The following EDIL3 variants were observed in gnomAD, a reference collection of about 807,000 sequenced individuals.
The protein encoded by EDIL3 is EGF like and discoidin domains 3.
Under a neutral mutation model 67.4 loss-of-function variants are expected in EDIL3, and 37 were observed. That is an observed-to-expected ratio of 0.55 (90% CI 0.42 to 0.72). The LOEUF (loss-of-function observed/expected upper bound fraction) is 0.72, where lower values mean the gene tolerates loss of function less well. Among genes scored for constraint, EDIL3 ranks in the 30% least tolerant of loss-of-function variants. The pLI, the probability that EDIL3 is intolerant of heterozygous loss-of-function variation, is 0.00. For synonymous variants in EDIL3, 195 were observed against 196.3 expected, an observed-to-expected ratio of 0.99 and a Z score of 0.05; for missense variants, 527 against 586.3, an observed-to-expected ratio of 0.90 and a Z score of 1.04.
chr5:84,137,180 T>TACACAC (rs780046303), intron 5 of EDIL3, 61 bp downstream of exon 5: 8 of 896,398 alleles, frequency 8.9e-6, no homozygotes, highest in South Asian at 5.3e-5. Context: ...TGTGTGTGTA[T>TACACAC]ACATACACAC....
chr5:84,172,681 G>C (rs1475172949), intron 4 of EDIL3, among the ~76,000 whole-genome samples: 3 of 152,132 alleles, frequency 2.0e-5, no homozygotes, highest in African/African-American at 7.2e-5. Context: ...TGGTTTTCTA[G>C]TGGAAAAGTA....
intron 1 of EDIL3, among the ~76,000 whole-genome samples, chr5:84,324,786 T>C (rs1242928271): frequency 6.6e-6 from 1 of 151,778 alleles, no homozygotes; most frequent in Admixed American, 6.6e-5. Flanking sequence ...GAATTCTACA[T>C]CGACAAATTA....
intron 1 of EDIL3, among the ~76,000 whole-genome samples, chr5:84,351,514 C>T (rs1025676759): frequency 1.3e-5 from 2 of 152,178 alleles, no homozygotes; most frequent in Admixed American, 1.3e-4. Flanking sequence ...AGCTAGGTGG[C>T]CCTGAGAAAG....
At chr5:83,985,940 A>AT (rs1745051334) in intron 9 of EDIL3, among the ~76,000 whole-genome samples, 1 of 152,040 alleles carries the variant, frequency 6.6e-6, no homozygotes, top group Non-Finnish European at 1.5e-5. Context: ...GAATTCATGC[A>AT]TTTTTTACTT....
chr5:84,002,094 G>A (rs924250646), intron 9 of EDIL3, among the ~76,000 whole-genome samples: 1 of 152,090 alleles, frequency 6.6e-6, no homozygotes, highest in Non-Finnish European at 1.5e-5. Context: ...GACCAAGTGG[G>A]ATTTTTCCCA....
intron 4 of EDIL3, among the ~76,000 whole-genome samples, chr5:84,138,162 G>A (rs907014302): frequency 5.3e-5 from 8 of 152,186 alleles, no homozygotes; most frequent in African/African-American, 1.7e-4. Flanking sequence ...TTCTGTGGGA[G>A]CCAGTACAGT....
At chr5:83,995,530 G>C (rs1228487577) in intron 9 of EDIL3, among the ~76,000 whole-genome samples, 1 of 152,076 alleles carries the variant, frequency 6.6e-6, no homozygotes, top group African/African-American at 2.4e-5. Context: ...AATCTAGGAA[G>C]CTGAAACTTT....
chr5:84,309,016 A>T (rs1003830009), intron 1 of EDIL3, among the ~76,000 whole-genome samples: 2 of 152,180 alleles, frequency 1.3e-5, no homozygotes, highest in African/African-American at 4.8e-5. Context: ...CAAAGTTTAT[A>T]TAAAGATACA....
At chr5:84,010,448 C>T (rs1335061271) in intron 9 of EDIL3, among the ~76,000 whole-genome samples, 1 of 152,070 alleles carries the variant, frequency 6.6e-6, no homozygotes, top group Non-Finnish European at 1.5e-5. Context: ...ATTTATTTCA[C>T]TCTGTTCTAT....
At chr5:84,195,383 A>T (rs1463917884) in intron 3 of EDIL3, among the ~76,000 whole-genome samples, 3 of 151,968 alleles carry the variant, frequency 2.0e-5, no homozygotes, top group African/African-American at 7.2e-5. Flanking sequence ...CAAGTGTAAA[A>T]GATTTTCAGA....
At chr5:84,228,465 T>C (rs561707735) in intron 3 of EDIL3, among the ~76,000 whole-genome samples, 2 of 152,236 alleles carry the variant, frequency 1.3e-5, no homozygotes, top group South Asian at 2.1e-4. Flanking sequence ...GAGTTTGCTA[T>C]TGAGTCATGT....
chr5:84,371,341 A>ATATATATGTGTG (rs1008172581), intron 1 of EDIL3, among the ~76,000 whole-genome samples: 21 of 129,700 alleles, frequency 1.6e-4, no homozygotes, highest in African/African-American at 5.7e-4. Flanking sequence ...ATATATATAT[A>ATATATATGTGTG]TGTGTGTGTG....
intron 9 of EDIL3, among the ~76,000 whole-genome samples, chr5:84,042,674 A>C (rs10039557): frequency 0.38 from 57,756 of 152,066 alleles, 12,557 homozygotes; most frequent in African/African-American, 0.61. Flanking sequence ...TAGAGGACAC[A>C]AAGCATGAGA....
intron 6 of EDIL3, among the ~76,000 whole-genome samples, chr5:84,099,421 C>T (rs548942468): frequency 6.6e-6 from 1 of 152,168 alleles, no homozygotes; most frequent in Non-Finnish European, 1.5e-5. Context: ...AGAAATAATG[C>T]CACACATCTA....
intron 6 of EDIL3, among the ~76,000 whole-genome samples, chr5:84,083,494 T>C (rs528350791): frequency 3.9e-5 from 6 of 152,328 alleles, no homozygotes; most frequent in Middle Eastern, 3.4e-3. Context: ...CAAAGTTTTG[T>C]GATCTAACAG....
rs576801028 is a variant in EDIL3 at position 84,067,346 on chromosome 5, T to C, written c.652-740A>G. On this transcript the variant is annotated intron_variant, in intron 6 of 10. Transcript: ENST00000296591. ...ATTCTTCTCATGTTTAATAGAGATA[T>C]CTTTTTGACACTTAACACTTAATAA... 2.6e-5 allele frequency among the ~76,000 whole-genome samples: 4 copies of C among 152,318 alleles called. No homozygotes were observed. In the East Asian group the frequency reaches 7.7e-4, roughly 29 times the overall value.
At chr5:84,141,082 G>A (rs765439125) in intron 4 of EDIL3, among the ~76,000 whole-genome samples, 7 of 151,932 alleles carry the variant, frequency 4.6e-5, no homozygotes, top group Middle Eastern at 3.4e-3. Context: ...ACCTATCTTC[G>A]TCACAGATCA....
At chr5:84,115,374 G>T (rs1037030096) in intron 5 of EDIL3, among the ~76,000 whole-genome samples, 5 of 151,952 alleles carry the variant, frequency 3.3e-5, no homozygotes, top group African/African-American at 1.2e-4. Flanking sequence ...TAAATTAATT[G>T]TTTTCAATTC....
chr5:84,384,721 C>T lies in EDIL3; in HGVS notation c.-347G>A, dbSNP rs979332391. ...GCCCCGGGTCTGCTGCGCGGGCAGG[C>T]AGACCCACCGGCAGACAGGCGGACC... On this transcript the variant is annotated 5_prime_UTR_variant, in exon 1 of 11. Transcript: ENST00000296591. The T allele has an allele frequency of 2.8e-4, 44 of 159,334 alleles. No homozygotes were observed. The highest frequency in any genetic ancestry group is 1.4e-3 in the South Asian group (7 of 4,882). The allele number at this position is 159,334 out of a possible 1,614,324, so 9.9% of individuals were successfully genotyped here.
Sources: allele counts gnomAD v4.1 joint callset (sites outside exome capture counted in the v4.1 genomes callset), GRCh38; gene constraint gnomAD v4.1.1; transcripts MANE v1.5; gene names NCBI Gene and HGNC (gene_info 2026-07-23, HGNC 2026-07-21).